UBE4B: variants seen among roughly 807,000 people sequenced by gnomAD.
UBE4B encodes ubiquitin conjugation factor E4 B.
UBE4B carries 27 observed loss-of-function variants against 148.1 expected under a neutral mutation model. The ratio of observed to expected loss-of-function variants is 0.18; its 90% CI spans 0.13 to 0.25. The LOEUF (loss-of-function observed/expected upper bound fraction) is 0.25, where lower values mean the gene tolerates loss of function less well. UBE4B is among the 10% of genes least tolerant of loss of function. UBE4B has a pLI of 1.00. For synonymous variants in UBE4B, 596 were observed against 619.3 expected, an observed-to-expected ratio of 0.96 and a Z score of 0.56; for missense variants, 1,170 against 1,662.4, an observed-to-expected ratio of 0.70 and a Z score of 5.15.
intron 2 of UBE4B, among the ~76,000 whole-genome samples, chr1:10,086,072 C>T (rs149466248): frequency 0.025 from 3,852 of 151,924 alleles, 118 homozygotes; most frequent in African/African-American, 0.07. Context: ...CCCTGGTTCA[C>T]GCCATTCTCC....
intron 1 of UBE4B, 76 bp downstream of exon 1, chr1:10,033,770 A>T: frequency 7.0e-7 from 1 of 1,420,156 alleles, no homozygotes; most frequent in Non-Finnish European, 9.3e-7. Flanking sequence ...GTATTGCGCC[A>T]GTGCTGTCTG....
At position 10,180,789 on chromosome 1, in the gene UBE4B, G is replaced by T. The variant is rs1195819778; in HGVS notation, c.*833G>T. 6.6e-6 allele frequency: 1 copy of T among 152,252 alleles called. No individual in the cohort carries two copies. Among genetic ancestry groups the T allele is most frequent in the African/African-American group, 2.4e-5 (1 of 41,388 alleles). The allele number at this position is 152,252 out of a possible 1,614,324, so 9.4% of individuals were successfully genotyped here. ...ACTTATGTGACTTATATTTTGGGGAGATGAGGGTTGGGTTTTTTTTTTAAT... is the reference window on the plus strand; with the variant it reads ...ACTTATGTGACTTATATTTTGGGGATATGAGGGTTGGGTTTTTTTTTTAAT... On this transcript the variant is annotated 3_prime_UTR_variant, in exon 28 of 28. Coordinates refer to ENST00000343090, the MANE Select transcript of UBE4B (RefSeq NM_001105562.3).
At position 10,146,964 on chromosome 1, in the gene UBE4B, A is replaced by G. The variant is rs765005672; in HGVS notation, c.2465A>G (p.Lys822Arg). The G allele has an allele frequency of 6.2e-7, 1 of 1,613,720 alleles. No homozygotes were observed. Among genetic ancestry groups the G allele is most frequent in the Non-Finnish European group, 8.5e-7 (1 of 1,179,846 alleles). ...GTGGGGACATCCCTGCTTCCACAGAAACTGGTACGGTGCAAGGCCTGTGCT... is the reference window on the plus strand; with the variant it reads ...GTGGGGACATCCCTGCTTCCACAGAGACTGGTACGGTGCAAGGCCTGTGCT... ...MLKRCKTQLK[K>R]LVRCKACADA... Residue 822 changes from lysine to arginine, a missense_variant and splice_region_variant, in exon 19 of 28, where the codon AAA becomes AGA. Lys to Arg is a conservative substitution (Grantham distance 26, BLOSUM62 2). Transcript: ENST00000343090.
intron 19 of UBE4B, 119 bp from the exon 20 acceptor site, chr1:10,149,065 T>A: frequency 2.9e-6 from 2 of 682,366 alleles, no homozygotes; most frequent in Non-Finnish European, 4.9e-6. Flanking sequence ...TATTACATAG[T>A]ATTACAGAAT....
chr1:10,035,891 C>G (rs1292829915), intron 1 of UBE4B, among the ~76,000 whole-genome samples: 1 of 150,576 alleles, frequency 6.6e-6, no homozygotes, highest in African/African-American at 2.4e-5. Flanking sequence ...CTACAGGCGC[C>G]CGCCACCACG....
chr1:10,038,019 G>T (rs940164333), intron 1 of UBE4B, among the ~76,000 whole-genome samples: 38 of 152,076 alleles, frequency 2.5e-4, no homozygotes, highest in Admixed American at 1.2e-3. Flanking sequence ...AGTGGCCCAC[G>T]CCTGTAATCC....
intron 24 of UBE4B, among the ~76,000 whole-genome samples, chr1:10,169,750 C>T (rs1646310385): frequency 6.6e-6 from 1 of 152,250 alleles, no homozygotes; most frequent in African/African-American, 2.4e-5. Flanking sequence ...CACGGTGGCT[C>T]ATGCCTGTAA....
chr1:10,175,765 T>A (rs1646420228), intron 25 of UBE4B, among the ~76,000 whole-genome samples: 4 of 152,234 alleles, frequency 2.6e-5, no homozygotes, highest in African/African-American at 9.6e-5. Flanking sequence ...TCCTCTAACC[T>A]ACCAGAATAT....
intron 3 of UBE4B, 103 bp from the exon 4 acceptor site, chr1:10,101,005 C>G: frequency 1.0e-6 from 1 of 967,988 alleles, no homozygotes. Flanking sequence ...ATTTTCCTTT[C>G]CTGATTAACT....
At chr1:10,116,340 G>A (rs746392741) in intron 7 of UBE4B, among the ~76,000 whole-genome samples, 2 of 151,850 alleles carry the variant, frequency 1.3e-5, no homozygotes, top group African/African-American at 4.8e-5. Context: ...ACAGGGTTTC[G>A]CCCTGTTGGT....
chr1:10,068,440 C>A (rs981027680), intron 1 of UBE4B, among the ~76,000 whole-genome samples: 4 of 150,360 alleles, frequency 2.7e-5, no homozygotes, highest in African/African-American at 9.8e-5. Flanking sequence ...ACCTCCTCCT[C>A]CCGGGTTGAA....
rs535050174 is a variant in UBE4B, at chr1:10,071,805, A to G, written c.25-223A>G. On this transcript the variant is annotated intron_variant, in intron 1 of 27. Transcript: ENST00000343090. The stretch of plus-strand genomic sequence containing the variant: ...CTCACCCTCCCAAGTAGCTGAGACT[A>G]TAGGCAGGCACCGCTGAACCTGGCC... Among the ~76,000 whole-genome samples the G allele has an allele frequency of 2.0e-5, 3 of 152,302 alleles. No homozygotes were observed. The South Asian group carries it at 6.2e-4, about 32-fold the overall frequency.
intron 23 of UBE4B, among the ~76,000 whole-genome samples, chr1:10,167,206 A>G (rs190573443): frequency 1.4e-4 from 21 of 152,026 alleles, no homozygotes; most frequent in Non-Finnish European, 2.2e-4. Context: ...TCGGGAGGCC[A>G]AGGCAGGCTG....
chr1:10,113,253 G>A (rs900399124), intron 7 of UBE4B, among the ~76,000 whole-genome samples: 4 of 152,160 alleles, frequency 2.6e-5, no homozygotes, highest in African/African-American at 9.7e-5. Flanking sequence ...CAGATCTCAC[G>A]TGAACTCACT....
At chr1:10,119,487 T>C (rs1483929950) in intron 8 of UBE4B, 26 bp from the exon 9 acceptor site, 7 of 1,609,972 alleles carry the variant, frequency 4.3e-6, no homozygotes, top group Non-Finnish European at 5.9e-6. Flanking sequence ...TTTCTTGTCG[T>C]CCTCACTTCC....
Position 10,158,086 on chromosome 1 carries a change from A to G in UBE4B, c.2927-270A>G, listed in dbSNP as rs1646102687. 2.0e-5 allele frequency among the ~76,000 whole-genome samples: 3 copies of G among 152,154 alleles called. 1 individual carries two copies. The highest frequency in any genetic ancestry group is 2.0e-4 in the Admixed American group (3 of 15,264). ...GAGTATGATAATTCAGCTTTTGGTC[A>G]TTGGTAAGTTGATGTTGTCCTAATG... On this transcript the variant is annotated intron_variant, in intron 21 of 27. Transcript: ENST00000343090.
chr1:10,172,990 A>G (rs1264802467), intron 25 of UBE4B, among the ~76,000 whole-genome samples: 1 of 152,194 alleles, frequency 6.6e-6, no homozygotes, highest in Non-Finnish European at 1.5e-5. Flanking sequence ...AGGCTATACC[A>G]TAGAGCCTCG....
intron 1 of UBE4B, among the ~76,000 whole-genome samples, chr1:10,043,373 T>A (rs1643846055): frequency 6.7e-6 from 1 of 148,378 alleles, no homozygotes. Context: ...TGTACTCTCC[T>A]CCCCCTTGTT....
chr1:10,136,251 G>T (rs114489388), intron 16 of UBE4B, among the ~76,000 whole-genome samples: 2,621 of 151,916 alleles, frequency 0.017, 35 homozygotes, highest in Non-Finnish European at 0.027. Context: ...GGTGGGAGGA[G>T]AGCTTGAGCC....
Sources: allele counts gnomAD v4.1 joint callset (sites outside exome capture counted in the v4.1 genomes callset), GRCh38; gene constraint gnomAD v4.1.1; transcripts MANE v1.5; gene names NCBI Gene and HGNC (gene_info 2026-07-23, HGNC 2026-07-21).